The following NRG3 variants were observed in gnomAD, a reference collection of about 807,000 sequenced individuals.
NRG3 encodes the protein neuregulin 3, also known as pro-neuregulin-3, membrane-bound isoform.
A neutral mutation model predicts 66.9 loss-of-function variants in NRG3; 31 were observed. That is an observed-to-expected ratio of 0.46 (90% CI 0.35 to 0.63). The LOEUF (loss-of-function observed/expected upper bound fraction) is 0.63, where lower values mean the gene tolerates loss of function less well. Among genes scored for constraint, NRG3 ranks in the 20% least tolerant of loss-of-function variants. The pLI, the probability that NRG3 is intolerant of heterozygous loss-of-function variation, is 0.00. For synonymous variants in NRG3, 393 were observed against 359.4 expected (o/e 1.09, Z -1.06); for missense variants, 910 against 878.9 (o/e 1.04, Z -0.45).
At chr10:82,140,845 G>A (rs2069722407) in intron 1 of NRG3, among the ~76,000 whole-genome samples, 1 of 152,148 alleles carries the variant, frequency 6.6e-6, no homozygotes. Context: ...TGCTGCTAAT[G>A]TCTCTTAGGG....
intron 1 of NRG3, among the ~76,000 whole-genome samples, chr10:82,147,209 C>A (rs572111838): frequency 1.3e-5 from 2 of 152,306 alleles, no homozygotes; most frequent in Non-Finnish European, 1.5e-5. Flanking sequence ...CTCACATCAA[C>A]CATGTGAGAT....
chr10:82,209,555 A>G (rs2133607088), intron 1 of NRG3, among the ~76,000 whole-genome samples: 1 of 152,276 alleles, frequency 6.6e-6, no homozygotes, highest in Non-Finnish European at 1.5e-5. Context: ...GACCCAAAAT[A>G]TGACCACTGC....
chr10:82,933,760 T>C (rs1309416850), intron 4 of NRG3, among the ~76,000 whole-genome samples: 1 of 152,196 alleles, frequency 6.6e-6, no homozygotes, highest in Non-Finnish European at 1.5e-5. Context: ...TCTTTTGTGT[T>C]GGAAAGGAGA....
intron 3 of NRG3, among the ~76,000 whole-genome samples, chr10:82,767,175 TC>T (rs1004390144): frequency 1.3e-5 from 2 of 151,944 alleles, no homozygotes; most frequent in Non-Finnish European, 2.9e-5. Context: ...ATTCTCTCCC[TC>T]CAATACTCAC....
intron 1 of NRG3, among the ~76,000 whole-genome samples, chr10:81,918,107 G>C (rs1016044978): frequency 6.6e-6 from 1 of 152,160 alleles, no homozygotes; most frequent in Non-Finnish European, 1.5e-5. Flanking sequence ...GCTGAAATGT[G>C]TTTTGGTCAC....
At chr10:82,165,652 T>G (rs935184370) in intron 1 of NRG3, among the ~76,000 whole-genome samples, 3 of 151,980 alleles carry the variant, frequency 2.0e-5, no homozygotes, top group Non-Finnish European at 2.9e-5. Context: ...ATACTTGTTT[T>G]CTTTCATATT....
At chr10:82,413,471 G>A (rs2088278922) in intron 2 of NRG3, among the ~76,000 whole-genome samples, 1 of 152,134 alleles carries the variant, frequency 6.6e-6, no homozygotes, top group African/African-American at 2.4e-5. Context: ...CACAGGAAGA[G>A]TAGATTTAAC....
intron 1 of NRG3, among the ~76,000 whole-genome samples, chr10:82,231,923 T>C (rs993694842): frequency 6.6e-5 from 10 of 152,238 alleles, no homozygotes; most frequent in African/African-American, 2.2e-4. Flanking sequence ...AAAATATCTT[T>C]AAGAAACTGC....
chr10:82,723,445 A>G (rs1264460228), intron 2 of NRG3, among the ~76,000 whole-genome samples: 1 of 152,216 alleles, frequency 6.6e-6, no homozygotes, highest in African/African-American at 2.4e-5. Context: ...ACAAACGTGC[A>G]TATGTACACC....
At chr10:82,657,285 T>C (rs950960009) in intron 2 of NRG3, among the ~76,000 whole-genome samples, 2 of 152,216 alleles carry the variant, frequency 1.3e-5, no homozygotes, top group African/African-American at 4.8e-5. Flanking sequence ...AGGGGTTTTG[T>C]TTTGTTTTCC....
chr10:82,328,202 G>A (rs1205341635), intron 1 of NRG3, among the ~76,000 whole-genome samples: 1 of 152,090 alleles, frequency 6.6e-6, no homozygotes, highest in Non-Finnish European at 1.5e-5. Flanking sequence ...AGAGGTTTAT[G>A]GAAAGAACAT....
intron 1 of NRG3, among the ~76,000 whole-genome samples, chr10:81,989,202 T>C (rs1015457227): frequency 3.3e-5 from 5 of 152,148 alleles, no homozygotes; most frequent in East Asian, 3.9e-4. Context: ...CGGAGAGTTT[T>C]TTTGGATTGT....
At chr10:82,901,535 A>G (rs889860677) in intron 4 of NRG3, among the ~76,000 whole-genome samples, 1 of 152,220 alleles carries the variant, frequency 6.6e-6, no homozygotes, top group African/African-American at 2.4e-5. Context: ...TGCTCTCTGC[A>G]GGATGAACCT....
chr10:82,663,896 A>G (rs1430822473), intron 2 of NRG3, among the ~76,000 whole-genome samples: 1 of 152,202 alleles, frequency 6.6e-6, no homozygotes. Context: ...TGCCTGATTC[A>G]GGAAACACAT....
chr10:82,246,223 G>A (rs1450186641), intron 1 of NRG3, among the ~76,000 whole-genome samples: 1 of 151,954 alleles, frequency 6.6e-6, no homozygotes, highest in Non-Finnish European at 1.5e-5. Flanking sequence ...AAAAGACTTG[G>A]GGCAGTGACC....
chr10:82,688,753 C>T (rs2054696705), intron 2 of NRG3, among the ~76,000 whole-genome samples: 1 of 149,506 alleles, frequency 6.7e-6, no homozygotes, highest in African/African-American at 2.4e-5. Context: ...TAGAACAAAT[C>T]CATAGGTCTT....
intron 1 of NRG3, chr10:82,224,423 A>G (rs2046409493): frequency 6.6e-6 from 1 of 152,232 alleles, no homozygotes; most frequent in South Asian, 2.1e-4. Flanking sequence ...GAATGCAGAA[A>G]GCAGAATGAC....
intron 4 of NRG3, among the ~76,000 whole-genome samples, chr10:82,884,117 G>T (rs953188649): frequency 6.6e-6 from 1 of 151,832 alleles, no homozygotes; most frequent in Admixed American, 6.6e-5. Flanking sequence ...AGCAAAATGG[G>T]TCTACACTTT....
intron 2 of NRG3, among the ~76,000 whole-genome samples, chr10:82,441,280 G>A (rs964004588): frequency 3.3e-5 from 5 of 152,302 alleles, no homozygotes; most frequent in Non-Finnish European, 5.9e-5. Flanking sequence ...AAGTGGGAGC[G>A]ATAAACCATT....
Sources: allele counts gnomAD v4.1 joint callset (sites outside exome capture counted in the v4.1 genomes callset), GRCh38; gene constraint gnomAD v4.1.1; transcripts MANE v1.5; gene names NCBI Gene and HGNC (gene_info 2026-07-23, HGNC 2026-07-21).